ICA1: variants seen among roughly 807,000 people sequenced by gnomAD.
ICA1 encodes islet cell autoantigen 1.
In ICA1, 40 loss-of-function variants were observed where a neutral mutation model predicts 71.0. The observed-to-expected ratio is 0.56, with a 90% CI of 0.44 to 0.73. The LOEUF (loss-of-function observed/expected upper bound fraction) is 0.73. Among genes scored for constraint, ICA1 ranks in the 30% least tolerant of loss-of-function variants. The pLI, the probability that ICA1 is intolerant of heterozygous loss-of-function variation, is 0.00. For synonymous variants in ICA1, 207 were observed against 209.5 expected (o/e 0.99, Z 0.10); for missense variants, 578 against 576.5 (o/e 1.00, Z -0.03).
intron 2 of ICA1, 125 bp from the exon 3 acceptor site, chr7:8,232,880 A>G: frequency 1.3e-6 from 1 of 794,338 alleles, no homozygotes; most frequent in Non-Finnish European, 1.8e-6. Context: ...TGATAAACGT[A>G]TGAGCACTTT....
At chr7:8,239,315 T>A (rs1017775638) in intron 1 of ICA1, among the ~76,000 whole-genome samples, 1 of 152,222 alleles carries the variant, frequency 6.6e-6, no homozygotes, top group African/African-American at 2.4e-5. Flanking sequence ...TCATTTCAGT[T>A]CAACAGTTTG....
intron 8 of ICA1, among the ~76,000 whole-genome samples, chr7:8,148,577 A>G (rs1797812156): frequency 6.6e-6 from 1 of 152,190 alleles, no homozygotes. Flanking sequence ...AATGGATTTC[A>G]TTATACATTG....
chr7:8,143,963 C>T lies in ICA1; in HGVS notation c.814G>A (p.Asp272Asn), dbSNP rs146989360. Residue 272 changes from aspartate (D) to asparagine (N), a missense_variant, in exon 9 of 14, where the codon GAC becomes AAC. Physicochemically the swap from Asp to Asn is conservative, Grantham distance 23. Transcript: ENST00000402384. ...YEFTTLKSLQDPMKKLVEKEE... is the reference protein window; with the variant it reads ...YEFTTLKSLQNPMKKLVEKEE... ...TTCTCAACTAATTTTTTCATAGGGT[C>T]TTGTAAGCTCTTGATCACGAGCCAT... The T allele has an allele frequency of 2.0e-5, 31 of 1,551,198 alleles. No individual in the cohort carries two copies. The highest frequency in any genetic ancestry group is 1.9e-4 in the African/African-American group (14 of 72,806).
intron 8 of ICA1, among the ~76,000 whole-genome samples, chr7:8,152,785 T>TCACCTCCTA (rs1313074740): frequency 1.2e-5 from 1 of 81,538 alleles, no homozygotes; most frequent in Non-Finnish European, 2.6e-5. Flanking sequence ...ACTATCACCA[T>TCACCTCCTA]CACCATCACC....
intron 8 of ICA1, 142 bp downstream of exon 8, chr7:8,156,974 A>G (rs1801821757): frequency 7.7e-6 from 12 of 1,551,722 alleles, no homozygotes; most frequent in Non-Finnish European, 9.6e-6. Flanking sequence ...AAAGAAAGAA[A>G]AAGACTCTGC....
In ICA1 at chr7:8,241,882, T is replaced by C. The variant is rs146191360; in HGVS notation, c.-79-5877A>G. On this transcript the variant is annotated intron_variant, in intron 1 of 13. Transcript: ENST00000402384. ...AAGAGTTAACTATCCTAAATATATA[T>C]GCACCCAATACAAGAGCACCCAGAT... Among the ~76,000 whole-genome samples, 128 of 152,298 alleles carry C rather than the reference T, an allele frequency of 8.4e-4. 3 individuals carry two copies. The East Asian group carries it at 0.023, about 27-fold the overall frequency.
intron 10 of ICA1, 151 bp from the exon 11 acceptor site, chr7:8,139,198 T>G: frequency 1.7e-6 from 1 of 599,624 alleles, no homozygotes; most frequent in South Asian, 2.2e-5. Flanking sequence ...TACACTGGAC[T>G]CCTGCTATCA....
At chr7:8,225,823 GC>G (rs1798427377) in intron 4 of ICA1, among the ~76,000 whole-genome samples, 2 of 152,086 alleles carry the variant, frequency 1.3e-5, no homozygotes, top group South Asian at 4.2e-4. Flanking sequence ...GAGAAACCTG[GC>G]TCTCATCATC....
chr7:8,116,663 T>C (rs1219002481), intron 13 of ICA1: 2 of 152,174 alleles, frequency 1.3e-5, no homozygotes, highest in Non-Finnish European at 2.9e-5. Flanking sequence ...GGAAAGCAGG[T>C]GCCTTGTTTT....
At chr7:8,182,346 G>T (rs1782459090) in intron 6 of ICA1, among the ~76,000 whole-genome samples, 1 of 152,134 alleles carries the variant, frequency 6.6e-6, no homozygotes, top group Non-Finnish European at 1.5e-5. Context: ...TGAATTCTAG[G>T]AAGGCAGAAG....
intron 6 of ICA1, among the ~76,000 whole-genome samples, chr7:8,188,996 G>C (rs1019365708): frequency 7.9e-5 from 12 of 152,188 alleles, no homozygotes; most frequent in African/African-American, 2.7e-4. Flanking sequence ...TGGGAGAGGA[G>C]TCAATTAAAA....
rs756947607 is a variant in ICA1, at chr7:8,141,852, T to C, written c.903-35A>G. The C allele has an allele frequency of 2.1e-6, 3 of 1,457,776 alleles. 1 individual carries two copies. In the South Asian group the frequency reaches 3.6e-5, roughly 17 times the overall value. 90.3% of individuals were successfully genotyped at this position (1,457,776 alleles called of 1,614,324 possible). A position where few individuals can be genotyped will look rare whatever the true frequency, so the allele number is the denominator to read the frequency against. Reference sequence around the variant, plus strand: ...AAAAAGAGGTTTAGTCATCAACTTCTACCAATGTTATATTTATGATACAGC... The same window carrying C: ...AAAAAGAGGTTTAGTCATCAACTTCCACCAATGTTATATTTATGATACAGC... On this transcript the variant is annotated intron_variant, in intron 9 of 13. Transcript: ENST00000402384.
chr7:8,244,214 T>C (rs972030344), intron 1 of ICA1, among the ~76,000 whole-genome samples: 3 of 152,102 alleles, frequency 2.0e-5, no homozygotes, highest in Non-Finnish European at 4.4e-5. Flanking sequence ...AACAGAGATA[T>C]AGACCAATGG....
At chr7:8,175,828 TATCTC>T (rs1301803074) in intron 6 of ICA1, among the ~76,000 whole-genome samples, 1 of 152,160 alleles carries the variant, frequency 6.6e-6, no homozygotes, top group Non-Finnish European at 1.5e-5. Flanking sequence ...TCAAAATAAT[TATCTC>T]AACGATGATT....
In ICA1 at chr7:8,127,935, G is replaced by A; in HGVS notation, c.1268C>T (p.Ser423Leu). The A allele has an allele frequency of 6.2e-7, 1 of 1,614,230 alleles. No homozygotes were observed. The highest frequency in any genetic ancestry group is 1.7e-5 in the Admixed American group (1 of 60,034). ...GEPDPKAQTG[S>L]GFLPSQLLDQ... ...TAAAAGCTGCGAAGGAAGGAAACCT[G>A]AGCCTGTCTGGGCCTTGGGGTCTGG... The change falls in exon 13 of 14, where the codon TCA becomes TTA. Residue 423 changes from serine to leucine, a missense_variant. Physicochemically the swap from Ser to Leu is moderately radical, Grantham distance 145. Coordinates refer to ENST00000402384, the MANE Select transcript of ICA1 (RefSeq NM_001136020.3).
At chr7:8,200,338 CAAAA>C (rs34371233) in intron 6 of ICA1, among the ~76,000 whole-genome samples, 3 of 67,964 alleles carry the variant, frequency 4.4e-5, no homozygotes, top group South Asian at 7.0e-4. Flanking sequence ...CACAGTTGAG[CAAAA>C]AAAAAAAAAA....
chr7:8,137,931 G>T (rs1793970886), intron 12 of ICA1, among the ~76,000 whole-genome samples: 1 of 152,118 alleles, frequency 6.6e-6, no homozygotes, highest in Non-Finnish European at 1.5e-5. Flanking sequence ...TGGTTGACTG[G>T]GGCCTGCAGG....
chr7:8,149,270 T>C (rs1798040350), intron 8 of ICA1, among the ~76,000 whole-genome samples: 1 of 152,236 alleles, frequency 6.6e-6, no homozygotes, highest in African/African-American at 2.4e-5. Flanking sequence ...CTCATTAAAA[T>C]TGCTCATGAA....
rs763938730 is a variant in ICA1, at chr7:8,221,330, C to G, written c.325G>C (p.Ala109Pro). 4 of 1,613,770 alleles carry G rather than the reference C, an allele frequency of 2.5e-6. No individual in the cohort carries two copies. The highest frequency in any genetic ancestry group is 3.4e-6 in the Non-Finnish European group (4 of 1,179,748). ...CCTGTCGCTTGCATCATCTTTCCTG[C>G]TCTGGTTTTATCTTGGAAACCTTGG... ...RSQGFQDKTR[A>P]GKMMQATGKA... The change falls in exon 5 of 14, where the codon GCA becomes CCA. Residue 109 changes from alanine (A) to proline (P), a missense_variant. Physicochemically the swap from Ala to Pro is conservative, Grantham distance 27. Transcript: ENST00000402384.
Sources: gnomAD v4.1 joint callset for allele counts (sites outside exome capture counted in the v4.1 genomes callset) on GRCh38, gnomAD v4.1.1 for gene constraint, MANE v1.5 for transcripts, NCBI Gene and HGNC (gene_info 2026-07-23, HGNC 2026-07-21) for gene names.